NDUFS4: variants seen among roughly 807,000 people sequenced by gnomAD.
NDUFS4 encodes the protein NADH dehydrogenase [ubiquinone] iron-sulfur protein 4, mitochondrial.
NDUFS4 carries 28 observed loss-of-function variants against 24.3 expected under a neutral mutation model. The observed-to-expected ratio is 1.15, with a 90% CI of 0.85 to 1.58. The LOEUF (loss-of-function observed/expected upper bound fraction) is 1.58, where lower values mean the gene tolerates loss of function less well. Ranked by LOEUF, NDUFS4 falls within the 40% of genes most tolerant of loss-of-function variation. NDUFS4 has a pLI of 0.00. For missense variants in NDUFS4, 223 were observed against 207.9 expected, an observed-to-expected ratio of 1.07 and a Z score of -0.45; for synonymous variants, 93 against 69.7, an observed-to-expected ratio of 1.34 and a Z score of -1.67.
intron 4 of NDUFS4, among the ~76,000 whole-genome samples, chr5:53,662,812 T>A (rs1046129053): frequency 2.0e-5 from 3 of 151,554 alleles, no homozygotes; most frequent in Admixed American, 6.6e-5. Flanking sequence ...TCTCTGGTGG[T>A]AACTAAGATC....
At chr5:53,629,409 G>C (rs1366545508) in intron 2 of NDUFS4, among the ~76,000 whole-genome samples, 1 of 152,180 alleles carries the variant, frequency 6.6e-6, no homozygotes, top group African/African-American at 2.4e-5. Context: ...TCGGTGCAGA[G>C]CTGAGTTCAG....
chr5:53,595,564 A>G (rs572077086), intron 1 of NDUFS4, among the ~76,000 whole-genome samples: 1 of 152,106 alleles, frequency 6.6e-6, no homozygotes, highest in African/African-American at 2.4e-5. Context: ...ATGTATATTT[A>G]TTTTGATAAC....
At chr5:53,622,860 C>T (rs563962188) in intron 2 of NDUFS4, among the ~76,000 whole-genome samples, 1 of 152,170 alleles carries the variant, frequency 6.6e-6, no homozygotes, top group Admixed American at 6.5e-5. Flanking sequence ...AATAGAAACT[C>T]TGTACCCATT....
chr5:53,573,664 C>T (rs1290583427), intron 1 of NDUFS4: 1 of 435,202 alleles, frequency 2.3e-6, no homozygotes, highest in East Asian at 7.5e-5. Flanking sequence ...TCATAGCTCA[C>T]TACATCCCTG....
rs574793328 is a variant in NDUFS4, at chr5:53,661,318, C to T, written c.424+2694C>T. Among the ~76,000 whole-genome samples, 617 of 152,116 alleles carry T rather than the reference C, an allele frequency of 4.1e-3. 5 individuals are homozygous for T. The highest frequency in any genetic ancestry group is 1.0e-2 in the Admixed American group (152 of 15,254). On this transcript the variant is annotated intron_variant, in intron 4 of 4. Coordinates refer to ENST00000296684, the MANE Select transcript of NDUFS4 (RefSeq NM_002495.4). ...CAAAGATCAGATACTTGTAGATATG[C>T]GGCATTATTTCTGAGGGCTCTGTTC...
At chr5:53,624,852 C>T (rs1475001415) in intron 2 of NDUFS4, among the ~76,000 whole-genome samples, 1 of 152,102 alleles carries the variant, frequency 6.6e-6, no homozygotes, top group Non-Finnish European at 1.5e-5. Flanking sequence ...ACTTCCAGTA[C>T]TACATTGAAT....
At chr5:53,579,560 T>C (rs1749492492) in intron 1 of NDUFS4, among the ~76,000 whole-genome samples, 1 of 152,084 alleles carries the variant, frequency 6.6e-6, no homozygotes, top group African/African-American at 2.4e-5. Flanking sequence ...TAAAATCAAA[T>C]AAAAATTTAG....
chr5:53,676,390 C>CA (rs1740470555), intron 4 of NDUFS4, among the ~76,000 whole-genome samples: 2 of 152,186 alleles, frequency 1.3e-5, no homozygotes, highest in African/African-American at 4.8e-5. Flanking sequence ...CATAGTTTGT[C>CA]GTCTGACCAG....
intron 3 of NDUFS4, 143 bp downstream of exon 3, chr5:53,646,548 A>AGT: frequency 1.2e-6 from 1 of 800,272 alleles, no homozygotes; most frequent in Non-Finnish European, 2.0e-6. Flanking sequence ...CTGTGCTCAA[A>AGT]GATACACATT....
intron 1 of NDUFS4, among the ~76,000 whole-genome samples, chr5:53,567,473 G>T (rs1366575565): frequency 6.6e-6 from 1 of 151,932 alleles, no homozygotes; most frequent in African/African-American, 2.4e-5. Flanking sequence ...CCTAAATTTT[G>T]TAATTATTTT....
chr5:53,681,152 G>A (rs543098949), intron 4 of NDUFS4, among the ~76,000 whole-genome samples: 5 of 152,202 alleles, frequency 3.3e-5, no homozygotes, highest in Admixed American at 1.3e-4. Flanking sequence ...TTTATTGAGT[G>A]CCTACTATAA....
chr5:53,570,705 A>G lies in NDUFS4; in HGVS notation c.98+9945A>G, dbSNP rs536343592. On this transcript the variant is annotated intron_variant, in intron 1 of 4. Transcript: ENST00000296684. ...TTTTCTTTTTTTTTTTTTTTTTGAGACAGAGTCTTGCTCTGTCACCCAGGC... is the reference window on the plus strand; with the variant it reads ...TTTTCTTTTTTTTTTTTTTTTTGAGGCAGAGTCTTGCTCTGTCACCCAGGC... Among the ~76,000 whole-genome samples, 12 of 126,224 alleles carry G rather than the reference A, an allele frequency of 9.5e-5. No individual in the cohort carries two copies. The South Asian group carries it at 3.0e-3, about 32-fold the overall frequency. 82.8% of individuals were successfully genotyped at this position (126,224 alleles called of 152,430 possible).
intron 1 of NDUFS4, among the ~76,000 whole-genome samples, chr5:53,561,510 A>G (rs1748842882): frequency 5.1e-5 from 1 of 19,628 alleles, no homozygotes; most frequent in Non-Finnish European, 9.9e-5. Context: ...CATTTTTGTG[A>G]TGATTTTTTT....
At chr5:53,597,593 A>G (rs576146143) in intron 1 of NDUFS4, among the ~76,000 whole-genome samples, 1 of 152,210 alleles carries the variant, frequency 6.6e-6, no homozygotes, top group Non-Finnish European at 1.5e-5. Context: ...TCACTGTTTA[A>G]GACTTTTTGA....
intron 2 of NDUFS4, among the ~76,000 whole-genome samples, chr5:53,607,683 T>A (rs1019997552): frequency 1.3e-5 from 2 of 152,202 alleles, no homozygotes; most frequent in African/African-American, 4.8e-5. Context: ...CAATGGATTT[T>A]AAGTAATCAA....
intron 2 of NDUFS4, among the ~76,000 whole-genome samples, chr5:53,611,428 A>C (rs1366485463): frequency 2.6e-5 from 4 of 152,056 alleles, no homozygotes; most frequent in African/African-American, 9.7e-5. Context: ...ATATGGCCTC[A>C]GAGTACTTTC....
chr5:53,656,431 G>A (rs1160464459), intron 3 of NDUFS4, among the ~76,000 whole-genome samples: 1 of 152,088 alleles, frequency 6.6e-6, no homozygotes. Flanking sequence ...AGTTGGAGGA[G>A]GGTAGGATAT....
In NDUFS4 at chr5:53,631,673, T is replaced by C. The variant is rs1751414343; in HGVS notation, c.178-14560T>C. The stretch of plus-strand genomic sequence containing the variant: ...AACTTCCCAGCAGCATTGTTTACAC[T>C]GTAAGGATAAAACTGCCTACTCAAG... On this transcript the variant is annotated intron_variant, in intron 2 of 4. Transcript: ENST00000296684. Among the ~76,000 whole-genome samples, 5 of 152,194 alleles carry C rather than the reference T, an allele frequency of 3.3e-5. No homozygotes were observed. The South Asian group carries it at 1.0e-3, about 31-fold the overall frequency.
intron 1 of NDUFS4, among the ~76,000 whole-genome samples, chr5:53,592,033 G>T (rs1378567867): frequency 2.0e-5 from 3 of 151,976 alleles, no homozygotes; most frequent in African/African-American, 4.8e-5. Flanking sequence ...CTGCCTCCCA[G>T]GTTCAGGTGA....
Sources: allele counts gnomAD v4.1 joint callset (sites outside exome capture counted in the v4.1 genomes callset), GRCh38; gene constraint gnomAD v4.1.1; transcripts MANE v1.5; gene names NCBI Gene and HGNC (gene_info 2026-07-23, HGNC 2026-07-21).